Variants in LYPLAL1 observed in about 807,000 individuals in gnomAD.
The protein encoded by LYPLAL1 is lysophospholipase-like protein 1.
LYPLAL1 carries 23 observed loss-of-function variants against 19.7 expected under a neutral mutation model. The observed-to-expected ratio is 1.17, with a 90% CI of 0.84 to 1.65. The LOEUF (loss-of-function observed/expected upper bound fraction) is 1.65, where lower values mean the gene tolerates loss of function less well. LYPLAL1 is among the 40% of genes most tolerant of loss of function. The pLI is 0.00. For synonymous variants in LYPLAL1, 119 were observed against 96.3 expected, an observed-to-expected ratio of 1.24 and a Z score of -1.38; for missense variants, 355 against 279.4, an observed-to-expected ratio of 1.27 and a Z score of -1.93.
the LYPLAL1 span, among the ~76,000 whole-genome samples, chr1:219,283,464 A>G: frequency 6.6e-6 from 1 of 152,176 alleles, no homozygotes; most frequent in Admixed American, 6.5e-5. Flanking sequence ...GCCTCTGGGG[A>G]GCAGGACCCA....
chr1:219,286,157 G>A, the LYPLAL1 span, among the ~76,000 whole-genome samples: 4 of 152,154 alleles, frequency 2.6e-5, no homozygotes, highest in African/African-American at 9.7e-5. Context: ...TCCCACTGGG[G>A]AGCAGAGATA....
the LYPLAL1 span, among the ~76,000 whole-genome samples, chr1:219,321,263 C>T: frequency 6.6e-6 from 1 of 152,132 alleles, no homozygotes; most frequent in Non-Finnish European, 1.5e-5. Flanking sequence ...CTGTTCATAT[C>T]CTTCACCCAC....
At chr1:219,289,018 G>A in the LYPLAL1 span, among the ~76,000 whole-genome samples, 2,408 of 150,924 alleles carry the variant, frequency 0.016, 18 homozygotes, top group Non-Finnish European at 0.023. Context: ...ATAAACATAG[G>A]CTCCTTTCCT....
At chr1:219,324,960 A>AT in the LYPLAL1 span, among the ~76,000 whole-genome samples, 1 of 152,168 alleles carries the variant, frequency 6.6e-6, no homozygotes, top group Admixed American at 6.5e-5. Context: ...ATTGGGTTTG[A>AT]TGGTGCACAC....
the LYPLAL1 span, among the ~76,000 whole-genome samples, chr1:219,388,437 G>A: frequency 6.6e-6 from 1 of 152,100 alleles, no homozygotes; most frequent in East Asian, 1.9e-4. Context: ...TAGCTCTGGA[G>A]TTTATGTGTT....
chr1:219,231,775 G>A, the LYPLAL1 span, among the ~76,000 whole-genome samples: 2 of 152,016 alleles, frequency 1.3e-5, no homozygotes, highest in Non-Finnish European at 2.9e-5. Flanking sequence ...TGACAAGCTC[G>A]GCATGCCTCC....
chr1:219,219,107 G>C, the LYPLAL1 span, among the ~76,000 whole-genome samples: 1 of 152,180 alleles, frequency 6.6e-6, no homozygotes, highest in Admixed American at 6.5e-5. Flanking sequence ...TCCATAGCTA[G>C]TGAATTGAGG....
chr1:219,202,738 C>T lies in LYPLAL1; in HGVS notation c.362-7794C>T, dbSNP rs148254571. On this transcript the variant is annotated intron_variant, in intron 3 of 4. Coordinates refer to ENST00000366928, the MANE Select transcript of LYPLAL1 (RefSeq NM_138794.5). ...TGTTGCCCAGGCTGAAGTGCAGTGG[C>T]GTGATCATAGCTCACTGCAACCTAA... Among the ~76,000 whole-genome samples, 312 of 152,136 alleles carry T rather than the reference C, an allele frequency of 2.1e-3. 2 individuals carry two copies. The highest frequency in any genetic ancestry group is 6.7e-3 in the African/African-American group (280 of 41,516).
chr1:219,440,360 T>C, the LYPLAL1 span, among the ~76,000 whole-genome samples: 1 of 152,096 alleles, frequency 6.6e-6, no homozygotes, highest in Non-Finnish European at 1.5e-5. Context: ...CCAGGATCGA[T>C]GTGTATTCCC....
At chr1:219,292,458 T>C in the LYPLAL1 span, among the ~76,000 whole-genome samples, 2 of 152,204 alleles carry the variant, frequency 1.3e-5, no homozygotes, top group Admixed American at 1.3e-4. Context: ...TCAAGTGCTC[T>C]CTCTGCCTGT....
At chr1:219,364,707 C>G in the LYPLAL1 span, among the ~76,000 whole-genome samples, 4 of 152,110 alleles carry the variant, frequency 2.6e-5, no homozygotes, top group African/African-American at 9.7e-5. Flanking sequence ...AAATATATCA[C>G]TTCTGCAGAA....
chr1:219,307,038 A>ATG, the LYPLAL1 span, among the ~76,000 whole-genome samples: 7 of 36,646 alleles, frequency 1.9e-4, no homozygotes, highest in Non-Finnish European at 3.9e-4. Context: ...ATATATATAT[A>ATG]TATGTATATA....
chr1:219,300,357 A>G, the LYPLAL1 span, among the ~76,000 whole-genome samples: 2,238 of 152,140 alleles, frequency 0.015, 50 homozygotes, highest in African/African-American at 0.051. Context: ...GGGCATTTAC[A>G]TGAAGAAGCA....
chr1:219,404,090 G>C, the LYPLAL1 span, among the ~76,000 whole-genome samples: 1 of 152,056 alleles, frequency 6.6e-6, no homozygotes, highest in African/African-American at 2.4e-5. Flanking sequence ...GAGAGAGGGA[G>C]GGAGGGAAAG....
the LYPLAL1 span, among the ~76,000 whole-genome samples, chr1:219,328,780 T>C: frequency 6.6e-6 from 1 of 152,192 alleles, no homozygotes; most frequent in East Asian, 1.9e-4. Context: ...AATGTCATCA[T>C]TTGCCAACAC....
intron 3 of LYPLAL1, among the ~76,000 whole-genome samples, chr1:219,199,512 G>A (rs943413070): frequency 2.6e-5 from 4 of 151,274 alleles, no homozygotes; most frequent in Non-Finnish European, 4.4e-5. Flanking sequence ...GCAAGATCTC[G>A]GCTCACTGCA....
the LYPLAL1 span, among the ~76,000 whole-genome samples, chr1:219,416,327 G>T: frequency 1.3e-3 from 195 of 152,248 alleles, no homozygotes; most frequent in African/African-American, 4.6e-3. Context: ...GAGGAGTACT[G>T]CTCAGGGATT....
chr1:219,250,882 C>A, the LYPLAL1 span, among the ~76,000 whole-genome samples: 32 of 152,166 alleles, frequency 2.1e-4, no homozygotes, highest in Non-Finnish European at 3.5e-4. Flanking sequence ...AATCGCCATA[C>A]TGCTTTCCAC....
At chr1:219,356,608 G>A in the LYPLAL1 span, among the ~76,000 whole-genome samples, 2 of 152,150 alleles carry the variant, frequency 1.3e-5, no homozygotes, top group Non-Finnish European at 2.9e-5. Context: ...CATTCAGTCT[G>A]TTGCTCTACA....
Sources: gnomAD v4.1 joint callset for allele counts (sites outside exome capture counted in the v4.1 genomes callset) on GRCh38, gnomAD v4.1.1 for gene constraint, MANE v1.5 for transcripts, NCBI Gene and HGNC (gene_info 2026-07-23, HGNC 2026-07-21) for gene names.